The following RAB27A variants were observed in gnomAD, a reference collection of about 807,000 sequenced individuals.
The protein encoded by RAB27A is ras-related protein Rab-27A.
In RAB27A, 17 loss-of-function variants were observed where a neutral mutation model predicts 20.8. The observed-to-expected ratio is 0.82, with a 90% confidence interval of 0.56 to 1.23. The LOEUF (loss-of-function observed/expected upper bound fraction) is 1.23, where lower values mean the gene tolerates loss of function less well. RAB27A is among the 50% of genes most tolerant of loss of function. The probability of loss-of-function intolerance (pLI) is 0.00; values close to 1 mark genes in which losing one functional copy is unlikely to be tolerated. For missense variants in RAB27A, 277 were observed against 266.7 expected (o/e 1.04, Z -0.27); for synonymous variants, 85 against 92.8 (o/e 0.92, Z 0.48).
intron 2 of RAB27A, among the ~76,000 whole-genome samples, chr15:55,309,716 G>A (rs1252762782): frequency 6.6e-6 from 1 of 152,216 alleles, no homozygotes; most frequent in African/African-American, 2.4e-5. Context: ...GGAAAGCAGA[G>A]TATAAGGGTT....
At chr15:55,265,567 C>A (rs1322016592) in intron 2 of RAB27A, among the ~76,000 whole-genome samples, 1 of 151,586 alleles carries the variant, frequency 6.6e-6, no homozygotes, top group Non-Finnish European at 1.5e-5. Flanking sequence ...GCAAATAATT[C>A]TTGATGCCAA....
intron 2 of RAB27A, among the ~76,000 whole-genome samples, chr15:55,308,483 T>C (rs2055007336): frequency 6.6e-6 from 1 of 152,230 alleles, no homozygotes; most frequent in Non-Finnish European, 1.5e-5. Flanking sequence ...CTTTCAAGTA[T>C]TCCATTATCA....
At position 55,203,848 on chromosome 15, in the gene RAB27A, T is replaced by C. The variant is rs573881816; in HGVS notation, c.*1659A>G. 8.5e-5 allele frequency: 13 copies of C among 152,214 alleles called. No homozygotes were observed. The highest frequency in any genetic ancestry group is 2.9e-4 in the African/African-American group (12 of 41,552). The allele number at this position is 152,214 out of a possible 1,614,324, so 9.4% of individuals were successfully genotyped here. On this transcript the variant is annotated 3_prime_UTR_variant, in exon 7 of 7. Transcript: ENST00000336787. Reference sequence around the variant, plus strand: ...TCAAGGATAGAAATATGTAAAATTTTACCAACCATGGATAAGTTTGTTATG... The same window carrying C: ...TCAAGGATAGAAATATGTAAAATTTCACCAACCATGGATAAGTTTGTTATG...
chr15:55,217,529 G>A (rs1895363284), intron 6 of RAB27A, among the ~76,000 whole-genome samples: 1 of 151,664 alleles, frequency 6.6e-6, no homozygotes, highest in Non-Finnish European at 1.5e-5. Flanking sequence ...GCTGGGCACA[G>A]TGGTGCACAC....
intron 1 of RAB27A, among the ~76,000 whole-genome samples, chr15:55,276,955 T>G (rs1897890982): frequency 6.6e-6 from 1 of 152,180 alleles, no homozygotes; most frequent in African/African-American, 2.4e-5. Context: ...ATGTATACAT[T>G]AAATATGTAC....
At position 55,227,008 on chromosome 15, in the gene RAB27A, T is replaced by C. The variant is rs190144498; in HGVS notation, c.343+1601A>G. Among the ~76,000 whole-genome samples, 459 of 152,304 alleles carry C rather than the reference T, an allele frequency of 3.0e-3. 3 individuals are homozygous for C. The highest frequency in any genetic ancestry group is 0.01 in the African/African-American group (430 of 41,574). On this transcript the variant is annotated intron_variant, in intron 5 of 6. Transcript: ENST00000336787. ...GATTTGATATTACCACTTCTGACACTGAACATTACACCTTTTTGTTTAAAT... is the reference window on the plus strand; with the variant it reads ...GATTTGATATTACCACTTCTGACACCGAACATTACACCTTTTTGTTTAAAT...
chr15:55,289,149 A>G (rs1384361574), intron 1 of RAB27A: 1 of 152,218 alleles, frequency 6.6e-6, no homozygotes, highest in East Asian at 1.9e-4. Context: ...CTGGTGATCT[A>G]TTGGGACAGA....
intron 6 of RAB27A, among the ~76,000 whole-genome samples, chr15:55,213,625 C>T (rs1201839912): frequency 6.6e-6 from 1 of 152,168 alleles, no homozygotes; most frequent in Non-Finnish European, 1.5e-5. Flanking sequence ...GCTCTGTCTC[C>T]TGTCAGATTA....
chr15:55,279,604 T>C lies in RAB27A; in HGVS notation c.-142-9320A>G, dbSNP rs972093236. ...AGCCTCAGATACCAAATCTGTAAAA[T>C]AGGGATAATAATACTGACCTAGCAA... On this transcript the variant is annotated intron_variant, in intron 1 of 6. Transcript: ENST00000336787. 2.6e-5 allele frequency among the ~76,000 whole-genome samples: 4 copies of C among 152,226 alleles called. No individual in the cohort carries two copies. In the East Asian group the frequency reaches 7.7e-4, roughly 29 times the overall value.
chr15:55,301,015 G>C (rs1045696537), intron 2 of RAB27A, among the ~76,000 whole-genome samples: 4 of 152,174 alleles, frequency 2.6e-5, no homozygotes, highest in Admixed American at 2.0e-4. Context: ...AAAATACTCA[G>C]ACTTTGATGG....
chr15:55,207,214 C>G (rs1017517816), intron 6 of RAB27A, among the ~76,000 whole-genome samples: 2 of 152,074 alleles, frequency 1.3e-5, no homozygotes, highest in African/African-American at 4.8e-5. Flanking sequence ...CTGTTAATAA[C>G]TACTTTGGAA....
intron 2 of RAB27A, among the ~76,000 whole-genome samples, chr15:55,253,087 G>A (rs1036761907): frequency 1.3e-4 from 19 of 150,348 alleles, no homozygotes; most frequent in Non-Finnish European, 2.5e-4. Flanking sequence ...AGCCAAGATC[G>A]TGCCACTGCA....
At chr15:55,218,114 G>A (rs1219838011) in intron 6 of RAB27A, among the ~76,000 whole-genome samples, 1 of 152,316 alleles carries the variant, frequency 6.6e-6, no homozygotes, top group African/African-American at 2.4e-5. Flanking sequence ...AAGTATGTTT[G>A]GTGGTTCTGT....
At chr15:55,260,761 G>T (rs1370631658) in intron 2 of RAB27A, among the ~76,000 whole-genome samples, 1 of 152,222 alleles carries the variant, frequency 6.6e-6, no homozygotes, top group African/African-American at 2.4e-5. Context: ...GGTTATTAGG[G>T]GTTGGAGTGG....
intron 2 of RAB27A, among the ~76,000 whole-genome samples, chr15:55,304,935 G>A (rs184667514): frequency 1.3e-5 from 2 of 152,278 alleles, no homozygotes; most frequent in Admixed American, 1.3e-4. Flanking sequence ...AAAGGGAGGG[G>A]ACCCAAAGAG....
intron 2 of RAB27A, among the ~76,000 whole-genome samples, chr15:55,250,960 G>A (rs1276387780): frequency 6.6e-6 from 1 of 152,162 alleles, no homozygotes; most frequent in East Asian, 1.9e-4. Context: ...AGGAGTGAAG[G>A]TCAAGACACC....
intron 6 of RAB27A, among the ~76,000 whole-genome samples, chr15:55,213,966 C>T (rs778300499): frequency 6.6e-5 from 10 of 152,218 alleles, no homozygotes; most frequent in Non-Finnish European, 1.5e-4. Context: ...GAAACCAGTT[C>T]CCAGTGCCAA....
At chr15:55,219,546 C>A (rs562125196) in intron 6 of RAB27A, among the ~76,000 whole-genome samples, 2 of 152,316 alleles carry the variant, frequency 1.3e-5, no homozygotes, top group South Asian at 4.1e-4. Flanking sequence ...CCAACCCAGA[C>A]CTACTGAATC....
chr15:55,306,443 T>C (rs1488377901), intron 2 of RAB27A, among the ~76,000 whole-genome samples: 4 of 152,076 alleles, frequency 2.6e-5, no homozygotes, highest in African/African-American at 9.7e-5. Context: ...ATCTAGTCCT[T>C]TGTAGGGGCT....
Sources: allele counts gnomAD v4.1 joint callset (sites outside exome capture counted in the v4.1 genomes callset), GRCh38; gene constraint gnomAD v4.1.1; transcripts MANE v1.5; gene names NCBI Gene and HGNC (gene_info 2026-07-23, HGNC 2026-07-21).